Variants in NARF observed in about 807,000 individuals in gnomAD.
The protein encoded by NARF is iron-only hydrogenase-like protein 2.
A neutral mutation model predicts 48.0 loss-of-function variants in NARF; 41 were observed. That is an observed-to-expected ratio of 0.85 (90% CI 0.66 to 1.11). The LOEUF (loss-of-function observed/expected upper bound fraction) is 1.11. NARF is among the 50% of genes least tolerant of loss of function. NARF has a pLI of 0.00. For missense variants in NARF, 613 were observed against 590.2 expected (o/e 1.04, Z -0.40); for synonymous variants, 215 against 225.5 (o/e 0.95, Z 0.42).
intron 7 of NARF, chr17:82,483,468 A>C (rs975622008): frequency 4.2e-6 from 2 of 479,216 alleles, no homozygotes; most frequent in African/African-American, 3.9e-5. Flanking sequence ...GATTGTTTAC[A>C]TAAATCCCAC....
At chr17:82,481,598 C>G (rs1234127033) in intron 7 of NARF, among the ~76,000 whole-genome samples, 1 of 152,090 alleles carries the variant, frequency 6.6e-6, no homozygotes, top group Non-Finnish European at 1.5e-5. Context: ...GGCATGGTGG[C>G]ACATGCCTGT....
At chr17:82,469,109 C>G (rs145784044) in intron 4 of NARF, among the ~76,000 whole-genome samples, 1 of 152,168 alleles carries the variant, frequency 6.6e-6, no homozygotes, top group African/African-American at 2.4e-5. Flanking sequence ...TGTGCACAGA[C>G]AGGTGTTTTG....
At position 82,484,953 on chromosome 17, in the gene NARF, G is replaced by C. The variant is rs2044062578; in HGVS notation, c.971+3G>C. 1.2e-6 allele frequency: 2 copies of C among 1,601,072 alleles called. No homozygotes were observed. Among genetic ancestry groups the C allele is most frequent in the East Asian group, 4.5e-5 (2 of 44,610 alleles). On this transcript the variant is annotated splice_donor_region_variant and intron_variant, in intron 9 of 10. Transcript: ENST00000309794. Reference sequence around the variant, plus strand: ...GAGGTCACTTACCGAGCCCTGAGGTGTGGGGCAGTATCCACAGCCTGTCTG... The same window carrying C: ...GAGGTCACTTACCGAGCCCTGAGGTCTGGGGCAGTATCCACAGCCTGTCTG...
chr17:82,471,776 A>G (rs1240983352), intron 4 of NARF, among the ~76,000 whole-genome samples: 1 of 125,184 alleles, frequency 8.0e-6, no homozygotes, highest in South Asian at 2.7e-4. Flanking sequence ...TGCGCGAAAG[A>G]GTGAGACTCC....
chr17:82,483,680 T>A (rs1476918528), intron 7 of NARF, 36 bp from the exon 8 acceptor site: 30 of 1,606,086 alleles, frequency 1.9e-5, no homozygotes, highest in Admixed American at 3.3e-5. Context: ...TGTGGCCACC[T>A]GTGTCTTTTC....
chr17:82,470,929 G>A (rs181158351), intron 4 of NARF, among the ~76,000 whole-genome samples: 47 of 152,100 alleles, frequency 3.1e-4, no homozygotes, highest in Middle Eastern at 3.4e-3. Context: ...TTGGGAGGCC[G>A]AGGGGGCAGA....
rs1599860658 is a variant in NARF at position 82,488,325 on chromosome 17, G to T, written c.*168G>T. The stretch of plus-strand genomic sequence containing the variant: ...ACCCCGTTTATTGGAGGCCCCTCAG[G>T]CAGTTTCATGTGGTGCTATCTTCAT... On this transcript the variant is annotated 3_prime_UTR_variant, in exon 11 of 11. Coordinates refer to ENST00000309794, the MANE Select transcript of NARF (RefSeq NM_012336.4). The T allele has an allele frequency of 4.7e-6, 5 of 1,067,012 alleles. No individual in the cohort carries two copies. The highest frequency in any genetic ancestry group is 5.2e-6 in the Non-Finnish European group (4 of 765,504). 66.1% of individuals were successfully genotyped at this position (1,067,012 alleles called of 1,614,324 possible).
rs892018766 is a variant in NARF, at chr17:82,489,819, GTC to G, written c.*1666_*1667del. 1.3e-5 allele frequency: 2 copies of G among 151,556 alleles called. No homozygotes were observed. The highest frequency in any genetic ancestry group is 2.9e-5 in the Non-Finnish European group (2 of 67,998). The allele number at this position is 151,556 out of a possible 1,614,324, so 9.4% of individuals were successfully genotyped here. A position where few individuals can be genotyped will look rare whatever the true frequency, so the allele number is the denominator to read the frequency against. ...CAGGAGTTTCTACATGGGAGACTCT[GTC>G]TCTACAAATTTTTTTTTTTTTTTTG... On this transcript the variant is annotated 3_prime_UTR_variant, in exon 11 of 11. Transcript: ENST00000309794.
At chr17:82,483,252 G>A (rs929753717) in intron 7 of NARF, 3 of 387,788 alleles carry the variant, frequency 7.7e-6, no homozygotes, top group African/African-American at 4.3e-5. Context: ...CCGGGAGGCA[G>A]AGGTTACAGC....
intron 4 of NARF, among the ~76,000 whole-genome samples, chr17:82,472,142 G>C (rs1314240439): frequency 6.6e-6 from 1 of 152,076 alleles, no homozygotes; most frequent in Non-Finnish European, 1.5e-5. Flanking sequence ...TAGAATCTAT[G>C]CTTTAAGTTT....
At position 82,488,275 on chromosome 17, in the gene NARF, C is replaced by T. The variant is rs1599860592; in HGVS notation, c.*118C>T. ...CTTAAGAAAACCGCTCAATGGATTA[C>T]TTTGGTTTCTCCGAGTTCCCTGCTA... On this transcript the variant is annotated 3_prime_UTR_variant, in exon 11 of 11. Coordinates refer to ENST00000309794, the MANE Select transcript of NARF (RefSeq NM_012336.4). 6.9e-7 allele frequency: 1 copy of T among 1,444,172 alleles called. No individual in the cohort carries two copies. The highest frequency in any genetic ancestry group is 9.1e-7 in the Non-Finnish European group (1 of 1,094,386). The allele number at this position is 1,444,172 out of a possible 1,614,324, so 89.5% of individuals were successfully genotyped here. A position where few individuals can be genotyped will look rare whatever the true frequency, so the allele number is the denominator to read the frequency against.
Position 82,472,505 on chromosome 17 carries a change from G to A in NARF, c.386-59G>A. 5 of 1,460,976 alleles carry A rather than the reference G, an allele frequency of 3.4e-6. No individual in the cohort carries two copies. The South Asian group carries it at 4.0e-5, about 12-fold the overall frequency. 90.5% of individuals were successfully genotyped at this position (1,460,976 alleles called of 1,614,324 possible). On this transcript the variant is annotated intron_variant, in intron 4 of 10. Transcript: ENST00000309794. ...TCTCAAAAAAAAAAAAAAAGAGGAA[G>A]CCTAAAAGTAGATCTTTTAGTACGT...
intron 5 of NARF, among the ~76,000 whole-genome samples, chr17:82,477,420 C>A (rs1227042809): frequency 1.3e-5 from 2 of 151,866 alleles, no homozygotes; most frequent in Non-Finnish European, 2.9e-5. Context: ...AGAAGAATCG[C>A]TTGAACCCGG....
chr17:82,470,209 C>T (rs1436086860), intron 4 of NARF, among the ~76,000 whole-genome samples: 8 of 152,170 alleles, frequency 5.3e-5, no homozygotes, highest in Admixed American at 5.2e-4. Context: ...GGCGCCTGGG[C>T]TCTAACAAGA....
Position 82,481,139 on chromosome 17 carries a change from C to G in NARF, c.697C>G (p.Leu233Val). The change falls in exon 7 of 11, where the codon CTG (leucine) becomes GTG (valine). Residue 233 changes from leucine (L) to valine (V), a missense_variant. Coordinates refer to ENST00000309794, the MANE Select transcript of NARF (RefSeq NM_012336.4). ...VIVAPCYDKK[L>V]EALQESLPPA... ...TGTGGCCCCTTGTTATGACAAGAAG[C>G]TGGAGGCTCTTCAGGAAAGCCTTCC... 1 of 1,614,114 alleles carries G rather than the reference C, an allele frequency of 6.2e-7. No individual in the cohort carries two copies. Among genetic ancestry groups the G allele is most frequent in the Non-Finnish European group, 8.5e-7 (1 of 1,180,024 alleles).
At chr17:82,487,770 ACACCCGCCC>A in intron 10 of NARF, 137 bp from the exon 11 acceptor site, 2 of 687,268 alleles carry the variant, frequency 2.9e-6, no homozygotes, top group Non-Finnish European at 4.9e-6. Context: ...CAACATAGCA[ACACCCGCCC>A]CTCCCGCCCA....
intron 4 of NARF, among the ~76,000 whole-genome samples, chr17:82,471,225 G>A (rs540493106): frequency 2.6e-5 from 4 of 151,626 alleles, no homozygotes; most frequent in African/African-American, 9.7e-5. Flanking sequence ...GGAGGCCGAG[G>A]TGGGCGGATC....
intron 9 of NARF, among the ~76,000 whole-genome samples, chr17:82,485,278 G>A (rs886079980): frequency 6.6e-5 from 10 of 152,082 alleles, no homozygotes; most frequent in Admixed American, 2.0e-4. Context: ...AAAATTTGCC[G>A]AGTGTGGTGG....
In NARF at chr17:82,488,140, C is replaced by G. The variant is rs1567949655; in HGVS notation, c.1354C>G (p.Leu452Val). 1 of 1,613,864 alleles carries G rather than the reference C, an allele frequency of 6.2e-7. No homozygotes were observed. The highest frequency in any genetic ancestry group is 1.3e-5 in the African/African-American group (1 of 75,062). ...GAGCCAGGAGCGTGGCACACACAGC[C>G]TGGACATCAAGTGGTGAAGTCAGGC... Reference protein sequence around the residue: ...YQSQERGTHSLDIKW With the variant: ...YQSQERGTHSVDIKW Residue 452 changes from leucine to valine, a missense_variant, in exon 11 of 11, where the codon CTG (leucine) becomes GTG (valine). Leu to Val is a conservative substitution (Grantham distance 32). Transcript: ENST00000309794.
Sources: allele counts gnomAD v4.1 joint callset (sites outside exome capture counted in the v4.1 genomes callset), GRCh38; gene constraint gnomAD v4.1.1; transcripts MANE v1.5; gene names NCBI Gene and HGNC (gene_info 2026-07-23, HGNC 2026-07-21).